KCNIP4: variants seen among roughly 807,000 people sequenced by gnomAD.
The protein encoded by KCNIP4 is potassium voltage-gated channel interacting protein 4, also known as Kv channel-interacting protein 4.
In KCNIP4, 12 loss-of-function variants were observed where a neutral mutation model predicts 34.0. That is an observed-to-expected ratio of 0.35 (90% confidence interval 0.23 to 0.57). KCNIP4 has a LOEUF of 0.57. Among genes scored for constraint, KCNIP4 ranks in the 20% least tolerant of loss-of-function variants. The pLI is 0.83. For missense variants in KCNIP4, 238 were observed against 311.7 expected (o/e 0.76, Z 1.78); for synonymous variants, 124 against 102.2 (o/e 1.21, Z -1.29).
chr4:20,932,785 A>C (rs1003071725), intron 1 of KCNIP4, among the ~76,000 whole-genome samples: 1 of 152,182 alleles, frequency 6.6e-6, no homozygotes, highest in South Asian at 2.1e-4. Flanking sequence ...CTATTTTGCT[A>C]TAATATACAT....
At chr4:21,673,185 C>A (rs1749636217) in intron 1 of KCNIP4, among the ~76,000 whole-genome samples, 1 of 152,152 alleles carries the variant, frequency 6.6e-6, no homozygotes, top group Non-Finnish European at 1.5e-5. Context: ...TAACATCTCT[C>A]AAGTTATAAA....
chr4:20,947,043 G>C (rs190601124), intron 1 of KCNIP4, among the ~76,000 whole-genome samples: 1 of 152,122 alleles, frequency 6.6e-6, no homozygotes, highest in Non-Finnish European at 1.5e-5. Flanking sequence ...GGCATACCTG[G>C]CATACCTTCT....
chr4:21,255,298 A>G (rs1760989550), intron 1 of KCNIP4, among the ~76,000 whole-genome samples: 1 of 151,918 alleles, frequency 6.6e-6, no homozygotes, highest in African/African-American at 2.4e-5. Flanking sequence ...CCCCACTTCC[A>G]AGTAATAACA....
At chr4:20,820,597 G>T (rs981712545) in intron 3 of KCNIP4, among the ~76,000 whole-genome samples, 1 of 152,202 alleles carries the variant, frequency 6.6e-6, no homozygotes, top group Non-Finnish European at 1.5e-5. Context: ...TATTTGATAA[G>T]ATTAGTGTGG....
chr4:21,073,779 T>C (rs1745201979), intron 1 of KCNIP4, among the ~76,000 whole-genome samples: 1 of 152,282 alleles, frequency 6.6e-6, no homozygotes, highest in African/African-American at 2.4e-5. Flanking sequence ...GGGGTTATCA[T>C]AAAGAGTGCT....
chr4:21,093,610 A>G lies in KCNIP4; in HGVS notation c.62-210901T>C, dbSNP rs141728498. ...GCCAAGCTAAATCAAACACATGTTT[A>G]TAAATCTAATTTCTATTTCTTAGAG... On this transcript the variant is annotated intron_variant, in intron 1 of 8. Transcript: ENST00000382152. 3.3e-3 allele frequency among the ~76,000 whole-genome samples: 500 copies of G among 152,344 alleles called. 2 individuals are homozygous for G. Among genetic ancestry groups the G allele is most frequent in the African/African-American group, 0.011 (458 of 41,580 alleles).
intron 1 of KCNIP4, among the ~76,000 whole-genome samples, chr4:21,498,480 A>T (rs1274350622): frequency 6.6e-6 from 1 of 152,224 alleles, no homozygotes; most frequent in Non-Finnish European, 1.5e-5. Flanking sequence ...TTATTGAGCC[A>T]GAGAAATAAC....
chr4:20,796,695 A>G (rs1390353663), intron 3 of KCNIP4, among the ~76,000 whole-genome samples: 1 of 152,056 alleles, frequency 6.6e-6, no homozygotes, highest in Non-Finnish European at 1.5e-5. Context: ...AAAGATGGAA[A>G]TAACTAAGAA....
intron 1 of KCNIP4, among the ~76,000 whole-genome samples, chr4:20,888,100 G>A (rs1725518050): frequency 6.6e-6 from 1 of 151,526 alleles, no homozygotes; most frequent in African/African-American, 2.4e-5. Context: ...AGAAGGTATA[G>A]TCAAAACTCC....
chr4:21,948,550 C>T (rs767480114), intron 1 of KCNIP4, 21 bp downstream of exon 1: 2 of 1,609,766 alleles, frequency 1.2e-6, no homozygotes, highest in Admixed American at 3.3e-5. Flanking sequence ...GGCGCCCGCT[C>T]GCAAGCTTAT....
chr4:20,924,962 T>TC (rs1014606226), intron 1 of KCNIP4, among the ~76,000 whole-genome samples: 1 of 152,190 alleles, frequency 6.6e-6, no homozygotes, highest in Non-Finnish European at 1.5e-5. Context: ...TACACAGGAA[T>TC]CCATGCCTAC....
chr4:20,983,176 A>G (rs989512011), intron 1 of KCNIP4, among the ~76,000 whole-genome samples: 1 of 152,178 alleles, frequency 6.6e-6, no homozygotes, highest in African/African-American at 2.4e-5. Flanking sequence ...TGTTAGATGG[A>G]TCTAATTTTT....
intron 1 of KCNIP4, among the ~76,000 whole-genome samples, chr4:21,743,002 G>C (rs1716519765): frequency 6.6e-6 from 1 of 152,114 alleles, no homozygotes. Context: ...GGCTACCATA[G>C]GCTGGAGCAG....
At chr4:20,890,086 C>A (rs1725769336) in intron 1 of KCNIP4, among the ~76,000 whole-genome samples, 1 of 152,076 alleles carries the variant, frequency 6.6e-6, no homozygotes, top group Non-Finnish European at 1.5e-5. Context: ...CCCGAATTCC[C>A]TGAGGGGAGG....
chr4:20,967,205 G>A (rs183518004), intron 1 of KCNIP4, among the ~76,000 whole-genome samples: 4 of 152,134 alleles, frequency 2.6e-5, no homozygotes, highest in East Asian at 1.9e-4. Flanking sequence ...CTTAAACTTC[G>A]TCACATGAAC....
At chr4:21,565,165 T>C (rs1739762153) in intron 1 of KCNIP4, among the ~76,000 whole-genome samples, 1 of 152,112 alleles carries the variant, frequency 6.6e-6, no homozygotes, top group African/African-American at 2.4e-5. Context: ...CAGCAGACAT[T>C]GGTTTCTCAC....
At chr4:20,808,839 C>T (rs548464507) in intron 3 of KCNIP4, among the ~76,000 whole-genome samples, 1 of 152,288 alleles carries the variant, frequency 6.6e-6, no homozygotes, top group South Asian at 2.1e-4. Context: ...CCACTCTCCC[C>T]CATCTCCACC....
At chr4:21,224,699 G>A (rs1452237206) in intron 1 of KCNIP4, among the ~76,000 whole-genome samples, 1 of 139,530 alleles carries the variant, frequency 7.2e-6, no homozygotes, top group Non-Finnish European at 1.5e-5. Context: ...CAATTCTCCT[G>A]CCTCAGCCTC....
chr4:21,168,461 C>A (rs1753792489), intron 1 of KCNIP4, among the ~76,000 whole-genome samples: 1 of 152,146 alleles, frequency 6.6e-6, no homozygotes, highest in Non-Finnish European at 1.5e-5. Context: ...CTGTTAGGCA[C>A]AGGTATGCAG....
Sources: allele counts gnomAD v4.1 joint callset (sites outside exome capture counted in the v4.1 genomes callset), GRCh38; gene constraint gnomAD v4.1.1; transcripts MANE v1.5; gene names NCBI Gene and HGNC (gene_info 2026-07-23, HGNC 2026-07-21).